CORIN: variants seen among roughly 807,000 people sequenced by gnomAD.
CORIN encodes the protein atrial natriuretic peptide-converting enzyme.
A neutral mutation model predicts 125.3 loss-of-function variants in CORIN; 117 were observed. The observed-to-expected ratio is 0.93, with a 90% CI of 0.80 to 1.09. The LOEUF is 1.09. Ranked by LOEUF, CORIN falls within the 50% of genes least tolerant of loss-of-function variation. The pLI is 0.00. For synonymous variants in CORIN, 450 were observed against 466.4 expected (o/e 0.96, Z 0.45); for missense variants, 1,253 against 1,306.7 (o/e 0.96, Z 0.63).
intron 4 of CORIN, among the ~76,000 whole-genome samples, chr4:47,753,172 C>A (rs1728983667): frequency 6.6e-6 from 1 of 152,104 alleles, no homozygotes; most frequent in Non-Finnish European, 1.5e-5. Context: ...GCCGCAAAAC[C>A]AGCAGGTTTT....
At chr4:47,718,282 C>A (rs985390692) in intron 5 of CORIN, among the ~76,000 whole-genome samples, 8 of 152,202 alleles carry the variant, frequency 5.3e-5, no homozygotes, top group African/African-American at 1.7e-4. Flanking sequence ...AATTCAATGA[C>A]CCTATTTTCT....
chr4:47,782,111 G>A (rs961356860), intron 3 of CORIN, among the ~76,000 whole-genome samples: 12 of 152,128 alleles, frequency 7.9e-5, no homozygotes, highest in Non-Finnish European at 1.3e-4. Context: ...AAGGCCAGGC[G>A]CAGTGGCTCA....
chr4:47,807,128 A>T (rs1307000774), intron 1 of CORIN, 81 bp from the exon 2 acceptor site: 2 of 1,064,786 alleles, frequency 1.9e-6, no homozygotes, highest in Non-Finnish European at 2.7e-6. Flanking sequence ...CTATCCATTT[A>T]GAACAGCACA....
intron 5 of CORIN, among the ~76,000 whole-genome samples, chr4:47,715,179 C>T (rs754988306): frequency 1.3e-5 from 2 of 151,950 alleles, no homozygotes. Context: ...AGTGTTCTAA[C>T]CTAAAGAAAT....
Position 47,598,738 on chromosome 4 carries a change from G to T in CORIN, c.2946+1476C>A, listed in dbSNP as rs1004157505. Reference sequence around the variant, plus strand: ...AAATTACTTAACCTCCTGTATTCTTGATCTGTTTAGGGAAAATAAAGACAC... The same window carrying T: ...AAATTACTTAACCTCCTGTATTCTTTATCTGTTTAGGGAAAATAAAGACAC... On this transcript the variant is annotated intron_variant, in intron 21 of 21. Coordinates refer to ENST00000273857, the MANE Select transcript of CORIN (RefSeq NM_006587.4). Among the ~76,000 whole-genome samples the T allele has an allele frequency of 2.0e-5, 3 of 152,208 alleles. No individual in the cohort carries two copies. In the East Asian group the frequency reaches 5.8e-4, roughly 29 times the overall value.
At chr4:47,722,262 AG>A (rs1727379075) in intron 5 of CORIN, among the ~76,000 whole-genome samples, 1 of 152,206 alleles carries the variant, frequency 6.6e-6, no homozygotes, top group African/African-American at 2.4e-5. Context: ...GAGATATACA[AG>A]GGCTTTCCAA....
rs926493343 is a variant in CORIN, at chr4:47,837,878, C to T, written c.63+9G>A. 14 of 1,612,600 alleles carry T rather than the reference C, an allele frequency of 8.7e-6. No individual in the cohort carries two copies. Among genetic ancestry groups the T allele is most frequent in the Middle Eastern group, 1.7e-4 (1 of 5,912 alleles). On this transcript the variant is annotated intron_variant, in intron 1 of 21. Coordinates refer to ENST00000273857, the MANE Select transcript of CORIN (RefSeq NM_006587.4). The stretch of plus-strand genomic sequence containing the variant: ...TGGCTGCGGTAGGACAGCGAATCAT[C>T]GATCTTACCGGCTTTGGGGACCCGG...
chr4:47,815,604 A>G (rs565256077), intron 1 of CORIN, among the ~76,000 whole-genome samples: 1 of 152,246 alleles, frequency 6.6e-6, no homozygotes, highest in East Asian at 1.9e-4. Flanking sequence ...TGCCAATACT[A>G]TCATTTTATG....
chr4:47,703,035 A>T (rs1387847028), intron 5 of CORIN, among the ~76,000 whole-genome samples: 1 of 151,660 alleles, frequency 6.6e-6, no homozygotes, highest in Non-Finnish European at 1.5e-5. Flanking sequence ...CGTCATCTAC[A>T]TTAGGTATTT....
intron 1 of CORIN, among the ~76,000 whole-genome samples, chr4:47,809,104 C>G (rs1479276821): frequency 2.6e-5 from 4 of 152,170 alleles, no homozygotes; most frequent in Non-Finnish European, 5.9e-5. Flanking sequence ...TACCCCTGAA[C>G]AAGTCTGTTA....
chr4:47,723,250 A>G (rs1186908309), intron 5 of CORIN, among the ~76,000 whole-genome samples: 3 of 152,216 alleles, frequency 2.0e-5, no homozygotes, highest in Non-Finnish European at 2.9e-5. Flanking sequence ...GGACCAGGGC[A>G]AATGGTCCCT....
chr4:47,759,608 A>C (rs1030055819), intron 4 of CORIN, among the ~76,000 whole-genome samples: 8 of 152,242 alleles, frequency 5.3e-5, no homozygotes, highest in Admixed American at 5.2e-4. Flanking sequence ...AGGTATATGA[A>C]AAAATGTTAA....
intron 3 of CORIN, among the ~76,000 whole-genome samples, chr4:47,766,054 T>C (rs1729716750): frequency 1.3e-5 from 2 of 152,230 alleles, no homozygotes; most frequent in African/African-American, 4.8e-5. Context: ...CTTTGAAAAG[T>C]AGCCGGTTCA....
At chr4:47,765,172 G>A (rs1052368626) in intron 3 of CORIN, among the ~76,000 whole-genome samples, 1 of 151,842 alleles carries the variant, frequency 6.6e-6, no homozygotes, top group African/African-American at 2.4e-5. Flanking sequence ...TTAGCCGGGC[G>A]TGGTGGCGGG....
intron 19 of CORIN, among the ~76,000 whole-genome samples, chr4:47,608,613 A>G (rs979508583): frequency 1.3e-5 from 2 of 152,238 alleles, no homozygotes; most frequent in Admixed American, 6.5e-5. Flanking sequence ...ATTCCTTGAA[A>G]TCACATTTAG....
chr4:47,749,711 A>G (rs1041294838), intron 4 of CORIN, among the ~76,000 whole-genome samples: 2 of 152,236 alleles, frequency 1.3e-5, no homozygotes, highest in Non-Finnish European at 2.9e-5. Context: ...TCACATTGTC[A>G]GAGGCATGCT....
At chr4:47,724,262 G>A (rs1727487046) in intron 5 of CORIN, among the ~76,000 whole-genome samples, 1 of 152,098 alleles carries the variant, frequency 6.6e-6, no homozygotes, top group Admixed American at 6.5e-5. Context: ...AAAAGACACT[G>A]AAATTGCAGA....
At chr4:47,725,999 C>G (rs960113304) in intron 5 of CORIN, among the ~76,000 whole-genome samples, 1 of 151,986 alleles carries the variant, frequency 6.6e-6, no homozygotes, top group Non-Finnish European at 1.5e-5. Context: ...GGCAAGTAAG[C>G]ATATTAAAAG....
At chr4:47,640,139 T>C (rs1487604208) in intron 16 of CORIN, among the ~76,000 whole-genome samples, 1 of 152,162 alleles carries the variant, frequency 6.6e-6, no homozygotes, top group South Asian at 2.1e-4. Flanking sequence ...TATCTAAAGA[T>C]ATCTAAAATA....
Sources: allele counts gnomAD v4.1 joint callset (sites outside exome capture counted in the v4.1 genomes callset), GRCh38; gene constraint gnomAD v4.1.1; transcripts MANE v1.5; gene names NCBI Gene and HGNC (gene_info 2026-07-23, HGNC 2026-07-21).